The following CADPS2 variants were observed in gnomAD, a reference collection of about 807,000 sequenced individuals.
CADPS2 encodes calcium-dependent secretion activator 2.
Under a neutral mutation model 172.5 loss-of-function variants are expected in CADPS2, and 93 were observed. The observed-to-expected ratio is 0.54, with a 90% CI of 0.46 to 0.64. The LOEUF is 0.64. Among genes scored for constraint, CADPS2 ranks in the 30% least tolerant of loss-of-function variants. CADPS2 has a pLI of 0.00. For missense variants in CADPS2, 1,420 were observed against 1,565.9 expected, an observed-to-expected ratio of 0.91 and a Z score of 1.57; for synonymous variants, 546 against 555.2, an observed-to-expected ratio of 0.98 and a Z score of 0.23.
intron 8 of CADPS2, among the ~76,000 whole-genome samples, chr7:122,524,167 T>C (rs1468737354): frequency 1.3e-5 from 2 of 152,238 alleles, no homozygotes; most frequent in African/African-American, 4.8e-5. Context: ...AAGGCTTTTA[T>C]GTGTCAAACC....
intron 3 of CADPS2, among the ~76,000 whole-genome samples, chr7:122,631,997 G>A (rs1408788848): frequency 2.0e-5 from 3 of 152,070 alleles, no homozygotes. Flanking sequence ...CAGCTGCATC[G>A]ACATTGCTGC....
intron 11 of CADPS2, among the ~76,000 whole-genome samples, chr7:122,483,108 G>A (rs2057469793): frequency 6.6e-6 from 1 of 152,206 alleles, no homozygotes. Context: ...AACAAAACTT[G>A]AAAGCAAAGC....
Position 122,320,203 on chromosome 7 carries a change from T to C in CADPS2, c.3853A>G (p.Ile1285Val). 6.2e-7 allele frequency: 1 copy of C among 1,611,390 alleles called. No individual in the cohort carries two copies. The highest frequency in any genetic ancestry group is 8.5e-7 in the Non-Finnish European group (1 of 1,178,692). ...TCTTCGTCACTGTCTTTCATAGTAATGCCCTGAAGTCCTCCTCCTTCTGAA... is the reference window on the plus strand; with the variant it reads ...TCTTCGTCACTGTCTTTCATAGTAACGCCCTGAAGTCCTCCTCCTTCTGAA... The part of the protein sequence containing the change: ...SVSEGGGLQG[I>V]TMKDSDEEEE... The change falls in exon 30 of 30, where the codon ATT (isoleucine) becomes GTT (valine). Residue 1285 changes from isoleucine (I) to valine (V), a missense_variant. Ile to Val is a conservative substitution (Grantham distance 29). Coordinates refer to ENST00000449022, the MANE Select transcript of CADPS2 (RefSeq NM_017954.11).
At chr7:122,349,181 A>G (rs940540034) in intron 27 of CADPS2, among the ~76,000 whole-genome samples, 1 of 152,124 alleles carries the variant, frequency 6.6e-6, no homozygotes, top group Non-Finnish European at 1.5e-5. Context: ...ACTACCAATT[A>G]TATCAAAAAA....
intron 3 of CADPS2, among the ~76,000 whole-genome samples, chr7:122,655,985 C>T (rs2079724250): frequency 6.6e-6 from 1 of 152,128 alleles, no homozygotes; most frequent in Non-Finnish European, 1.5e-5. Context: ...TTGGACTTCT[C>T]AGAGAACTGA....
At chr7:122,702,637 C>G in intron 2 of CADPS2, 1 of 1,613,532 alleles carries the variant, frequency 6.2e-7, no homozygotes, top group South Asian at 1.1e-5. Context: ...GGTGAGCTGT[C>G]CAAATGGCTT....
chr7:122,695,490 G>A (rs1269958011), intron 2 of CADPS2, among the ~76,000 whole-genome samples: 1 of 152,146 alleles, frequency 6.6e-6, no homozygotes, highest in Non-Finnish European at 1.5e-5. Context: ...AGTAAAAGGG[G>A]TTTATTGATC....
chr7:122,602,647 C>T (rs1215212535), intron 6 of CADPS2, among the ~76,000 whole-genome samples: 5 of 152,112 alleles, frequency 3.3e-5, no homozygotes, highest in South Asian at 2.1e-4. Flanking sequence ...GCATTTTTGG[C>T]TCCCACTCTG....
chr7:122,624,234 G>A (rs2075868054), intron 4 of CADPS2, among the ~76,000 whole-genome samples: 1 of 152,134 alleles, frequency 6.6e-6, no homozygotes, highest in Admixed American at 6.6e-5. Context: ...AGAATTGAAT[G>A]AGAAATAGGG....
intron 3 of CADPS2, among the ~76,000 whole-genome samples, chr7:122,658,617 C>G (rs567102115): frequency 1.7e-3 from 261 of 152,290 alleles, no homozygotes; most frequent in East Asian, 7.1e-3. Flanking sequence ...CCATCATTCT[C>G]AGCAAACTAT....
chr7:122,625,224 A>C (rs1336351376), intron 4 of CADPS2, among the ~76,000 whole-genome samples: 1 of 151,780 alleles, frequency 6.6e-6, no homozygotes, highest in African/African-American at 2.4e-5. Context: ...CTAATTTTGT[A>C]TTTTTAGTAG....
chr7:122,476,285 T>C (rs1393192009), intron 12 of CADPS2, among the ~76,000 whole-genome samples: 1 of 151,994 alleles, frequency 6.6e-6, no homozygotes, highest in Non-Finnish European at 1.5e-5. Flanking sequence ...TTAAAAATAA[T>C]GCCCATTAAT....
intron 1 of CADPS2, among the ~76,000 whole-genome samples, chr7:122,768,521 C>T (rs1218374621): frequency 6.6e-6 from 1 of 151,996 alleles, no homozygotes; most frequent in Non-Finnish European, 1.5e-5. Flanking sequence ...GCCTACTGAT[C>T]GTTCAGTAGT....
chr7:122,655,828 T>A (rs1258981163), intron 3 of CADPS2, among the ~76,000 whole-genome samples: 1 of 152,166 alleles, frequency 6.6e-6, no homozygotes, highest in Non-Finnish European at 1.5e-5. Context: ...TGTTTTAAAA[T>A]CAATCAAAAA....
At chr7:122,876,842 TA>T (rs1230323979) in intron 1 of CADPS2, among the ~76,000 whole-genome samples, 3 of 151,792 alleles carry the variant, frequency 2.0e-5, no homozygotes, top group South Asian at 2.1e-4. Context: ...AGCAATAGGC[TA>T]AAAAAAACAG....
At chr7:122,636,742 C>T (rs1371402695) in intron 3 of CADPS2, among the ~76,000 whole-genome samples, 1 of 152,144 alleles carries the variant, frequency 6.6e-6, no homozygotes, top group Admixed American at 6.5e-5. Context: ...CATGGGATTA[C>T]AGGTGTAAGC....
At chr7:122,347,788 G>A (rs1189191710) in intron 27 of CADPS2, among the ~76,000 whole-genome samples, 2 of 152,140 alleles carry the variant, frequency 1.3e-5, no homozygotes, top group Admixed American at 1.3e-4. Context: ...TGAAGAGGCA[G>A]GGTAATTTGT....
chr7:122,494,611 A>G (rs988104366), intron 9 of CADPS2, among the ~76,000 whole-genome samples: 3 of 151,580 alleles, frequency 2.0e-5, no homozygotes, highest in Non-Finnish European at 4.4e-5. Flanking sequence ...AGGATGGTGA[A>G]ATGATAGGTT....
chr7:122,524,415 C>T (rs1311753298), intron 8 of CADPS2, among the ~76,000 whole-genome samples: 2 of 152,010 alleles, frequency 1.3e-5, no homozygotes, highest in African/African-American at 2.4e-5. Flanking sequence ...ACTACATACA[C>T]TCTAAAAAAA....
Sources: allele counts gnomAD v4.1 joint callset (sites outside exome capture counted in the v4.1 genomes callset), GRCh38; gene constraint gnomAD v4.1.1; transcripts MANE v1.5; gene names NCBI Gene and HGNC (gene_info 2026-07-23, HGNC 2026-07-21).